The following HIVEP1 variants were observed in gnomAD, a reference collection of about 807,000 sequenced individuals.
The protein encoded by HIVEP1 is HIVEP zinc finger 1.
Under a neutral mutation model 180.0 loss-of-function variants are expected in HIVEP1, and 36 were observed. The ratio of observed to expected loss-of-function variants is 0.20; its 90% confidence interval spans 0.15 to 0.26. The LOEUF (loss-of-function observed/expected upper bound fraction) is 0.26, where lower values mean the gene tolerates loss of function less well. Among genes scored for constraint, HIVEP1 ranks in the 10% least tolerant of loss-of-function variants. The pLI is 1.00. For missense variants in HIVEP1, 3,143 were observed against 3,268.7 expected, an observed-to-expected ratio of 0.96 and a Z score of 0.94; for synonymous variants, 1,239 against 1,239.0, an observed-to-expected ratio of 1.00 and a Z score of 0.00.
At chr6:12,078,735 T>C (rs1048990822) in intron 2 of HIVEP1, among the ~76,000 whole-genome samples, 1 of 115,100 alleles carries the variant, frequency 8.7e-6, no homozygotes, top group Non-Finnish European at 2.3e-5. Context: ...TATATACTTT[T>C]AACATTTGTT....
At chr6:12,085,582 C>G (rs1330595562) in intron 2 of HIVEP1, among the ~76,000 whole-genome samples, 1 of 152,100 alleles carries the variant, frequency 6.6e-6, no homozygotes, top group Non-Finnish European at 1.5e-5. Context: ...CACATTAGAC[C>G]TGACACAGAG....
At chr6:12,102,710 TA>T (rs1774182578) in intron 3 of HIVEP1, among the ~76,000 whole-genome samples, 1 of 152,182 alleles carries the variant, frequency 6.6e-6, no homozygotes, top group Non-Finnish European at 1.5e-5. Flanking sequence ...AACCTCAAAG[TA>T]AAAAACATCT....
At chr6:12,065,692 CGTGTGTGT>C (rs61620887) in intron 2 of HIVEP1, among the ~76,000 whole-genome samples, 2 of 145,116 alleles carry the variant, frequency 1.4e-5, no homozygotes, top group African/African-American at 2.5e-5. Context: ...TGTGTGTGTG[CGTGTGTGT>C]GTGTGTGTGT....
chr6:12,089,308 A>ATGAG, intron 3 of HIVEP1, 71 bp downstream of exon 3: 1 of 841,000 alleles, frequency 1.2e-6, no homozygotes, highest in Non-Finnish European at 2.0e-6. Flanking sequence ...TCATAAATGT[A>ATGAG]GCCTTATGAA....
intron 2 of HIVEP1, among the ~76,000 whole-genome samples, chr6:12,066,105 C>T (rs187246539): frequency 4.7e-4 from 72 of 152,196 alleles, no homozygotes; most frequent in Admixed American, 3.0e-3. Flanking sequence ...TGTGGGCATC[C>T]CTAAAAGGCA....
chr6:12,036,666 A>G (rs9470817), intron 2 of HIVEP1, among the ~76,000 whole-genome samples: 150,430 of 152,350 alleles, frequency 0.99, 74,287 homozygotes, highest in Middle Eastern at 1. Flanking sequence ...TATTTTGGGA[A>G]GCTGAAGCAG....
At chr6:12,037,138 C>T (rs772792381) in intron 2 of HIVEP1, among the ~76,000 whole-genome samples, 3 of 151,956 alleles carry the variant, frequency 2.0e-5, no homozygotes, top group Non-Finnish European at 2.9e-5. Flanking sequence ...ATGGAGGGGA[C>T]GGAGTGGGTG....
chr6:12,183,974 AAGATAGATAGATAGATAGAT>A, the HIVEP1 span, among the ~76,000 whole-genome samples: 46 of 134,792 alleles, frequency 3.4e-4, no homozygotes, highest in Non-Finnish European at 6.0e-4. Flanking sequence ...TCACATTGTA[AAGATAGATAGATAGATAGAT>A]AGATAGATAG....
chr6:12,078,648 CACAT>C (rs1360436873), intron 2 of HIVEP1, among the ~76,000 whole-genome samples: 7 of 144,812 alleles, frequency 4.8e-5, no homozygotes, highest in South Asian at 2.2e-4. Context: ...CACACACACA[CACAT>C]ACATATATAT....
chr6:12,130,013 T>C, intron 5 of HIVEP1, 121 bp downstream of exon 5: 1 of 664,522 alleles, frequency 1.5e-6, no homozygotes, highest in Non-Finnish European at 2.6e-6. Flanking sequence ...TTTCTCAGCA[T>C]ATTAACAGAA....
the HIVEP1 span, among the ~76,000 whole-genome samples, chr6:12,173,844 T>TA: frequency 3.3e-5 from 5 of 152,154 alleles, no homozygotes; most frequent in Non-Finnish European, 7.4e-5. Context: ...ATCAGGGCTT[T>TA]ACATTCCTGG....
chr6:12,015,134 G>T (rs1412082898), intron 1 of HIVEP1, among the ~76,000 whole-genome samples: 2 of 152,208 alleles, frequency 1.3e-5, no homozygotes, highest in African/African-American at 4.8e-5. Flanking sequence ...GCAACCCCTT[G>T]TATTAACTGA....
At position 12,163,627 on chromosome 6, in the gene HIVEP1, T is replaced by A; in HGVS notation, c.7323T>A (p.His2441Gln). The stretch of plus-strand genomic sequence containing the variant: ...TCGTTCACAGAACTTTGGGTACTCA[T>A]AGGAATACGGTCACAGAAGTGTCTG... Reference protein sequence around the residue: ...VSVVHRTLGTHRNTVTEVSGT... With the variant: ...VSVVHRTLGTQRNTVTEVSGT... The change falls in exon 9 of 9, where the codon CAT (histidine) becomes CAA (glutamine). Residue 2441 changes from histidine to glutamine, a missense_variant. Coordinates refer to ENST00000379388, the MANE Select transcript of HIVEP1 (RefSeq NM_002114.4). 6.2e-7 allele frequency: 1 copy of A among 1,614,172 alleles called. No individual in the cohort carries two copies. Among genetic ancestry groups the A allele is most frequent in the Non-Finnish European group, 8.5e-7 (1 of 1,180,042 alleles).
chr6:12,074,756 CT>C (rs60989767), intron 2 of HIVEP1, among the ~76,000 whole-genome samples: 26,775 of 151,080 alleles, frequency 0.18, 2,480 homozygotes, highest in Middle Eastern at 0.3. Context: ...AAAATTATCA[CT>C]TTTTTAATAG....
In HIVEP1 at chr6:12,163,967, A is replaced by G. The variant is rs1760582141; in HGVS notation, c.7663A>G (p.Ile2555Val). The G allele has an allele frequency of 1.2e-6, 2 of 1,613,856 alleles. No individual in the cohort carries two copies. The highest frequency in any genetic ancestry group is 1.1e-5 in the South Asian group (1 of 91,084). The change falls in exon 9 of 9, where the codon ATC (isoleucine) becomes GTC (valine). Residue 2555 changes from isoleucine (I) to valine (V), a missense_variant. Coordinates refer to ENST00000379388, the MANE Select transcript of HIVEP1 (RefSeq NM_002114.4). ...CTTGAACATAGCATTGCCCACCTTA[A>G]TCCCCTCAGTCAGTCAAGTAGCCGT... ...QILNIALPTL[I>V]PSVSQVAVDA... is the part of the protein sequence containing the mutation.
In HIVEP1 at chr6:12,123,701, C is replaced by T. The variant is rs1451799274; in HGVS notation, c.3906C>T (p.Leu1302=). 2 of 1,613,984 alleles carry T rather than the reference C, an allele frequency of 1.2e-6. No individual in the cohort carries two copies. Among genetic ancestry groups the T allele is most frequent in the Non-Finnish European group, 1.7e-6 (2 of 1,179,976 alleles). ...CAGAATCGAGCTTTGATTCCACTCT[C>T]TCCAGGAGTCTAAGTAGGGAGAGCA... is the stretch of plus-strand genomic sequence containing the variant. ...SSTESSFDST[L]SRSLSRESSL... The change falls in exon 4 of 9, where the codon CTC becomes CTT. Residue 1302 remains leucine, a synonymous_variant. Transcript: ENST00000379388.
In HIVEP1 at chr6:12,122,775, A is replaced by G; in HGVS notation, c.2980A>G (p.Met994Val). 3.7e-6 allele frequency: 6 copies of G among 1,612,354 alleles called. No homozygotes were observed. The highest frequency in any genetic ancestry group is 5.1e-6 in the Non-Finnish European group (6 of 1,179,558). Residue 994 changes from methionine to valine, a missense_variant, in exon 4 of 9, where the codon ATG becomes GTG. Around this residue, in one of 12 missense-constraint regions of HIVEP1, gnomAD observed 204 missense variants for 243.7 expected, o/e 0.84. Coordinates refer to ENST00000379388, the MANE Select transcript of HIVEP1 (RefSeq NM_002114.4). ...ACATGGACCAAAAACAAAGGTAGCC[A>G]TGAGAGAACCTGAGCACAGCCCTGT... Reference protein sequence around the residue: ...ELHGPKTKVAMREPEHSPVPG... With the variant: ...ELHGPKTKVAVREPEHSPVPG...
At chr6:12,190,468 G>C in the HIVEP1 span, among the ~76,000 whole-genome samples, 1 of 151,988 alleles carries the variant, frequency 6.6e-6, no homozygotes, top group African/African-American at 2.4e-5. Context: ...TCAGTTCCTT[G>C]CACAAGTCAG....
intron 7 of HIVEP1, among the ~76,000 whole-genome samples, chr6:12,152,681 T>C (rs899306348): frequency 1.3e-5 from 2 of 152,240 alleles, no homozygotes; most frequent in Non-Finnish European, 2.9e-5. Context: ...TTTCAGATAC[T>C]ATGTATTCAG....
Sources: gnomAD v4.1 joint callset for allele counts (sites outside exome capture counted in the v4.1 genomes callset) on GRCh38, gnomAD v4.1.1 for gene constraint, gnomAD v4.1.1 regional missense constraint, MANE v1.5 for transcripts, NCBI Gene and HGNC (gene_info 2026-07-23, HGNC 2026-07-21) for gene names.